Variants in GANC observed in about 807,000 individuals in gnomAD.
GANC encodes the protein glucosidase alpha, neutral C.
GANC carries 117 observed loss-of-function variants against 124.2 expected under a neutral mutation model. The ratio of observed to expected loss-of-function variants is 0.94; its 90% CI spans 0.81 to 1.10. The LOEUF is 1.10. GANC is among the 50% of genes least tolerant of loss of function. The probability of loss-of-function intolerance (pLI) is 0.00; values close to 1 mark genes in which losing one functional copy is unlikely to be tolerated. For synonymous variants in GANC, 377 were observed against 376.8 expected, an observed-to-expected ratio of 1.00 and a Z score of -0.01; for missense variants, 1,140 against 1,095.0, an observed-to-expected ratio of 1.04 and a Z score of -0.58.
At chr15:42,317,379 TGA>T (rs938931140) in intron 10 of GANC, among the ~76,000 whole-genome samples, 4 of 152,124 alleles carry the variant, frequency 2.6e-5, no homozygotes, top group South Asian at 2.1e-4. Context: ...AAGACAGAGA[TGA>T]GAGGGGGCTG....
intron 3 of GANC, chr15:42,281,057 A>G (rs2051727888): frequency 1.4e-6 from 1 of 702,604 alleles, no homozygotes; most frequent in Non-Finnish European, 2.6e-6. Flanking sequence ...AACAAGGACA[A>G]ATTACCTGGG....
At chr15:42,333,155 C>T (rs2141067537) in intron 15 of GANC, among the ~76,000 whole-genome samples, 1 of 151,580 alleles carries the variant, frequency 6.6e-6, no homozygotes, top group East Asian at 1.9e-4. Context: ...TGGTGAAACC[C>T]TGTCTCTACT....
intron 19 of GANC, 137 bp from the exon 20 acceptor site, chr15:42,345,621 C>A: frequency 1.7e-6 from 1 of 595,012 alleles, no homozygotes; most frequent in East Asian, 2.9e-5. Context: ...AACTTCTACC[C>A]AATATATTTT....
At position 42,352,065 on chromosome 15, in the gene GANC, G is replaced by A. The variant is rs2052447469; in HGVS notation, c.2671G>A (p.Ala891Thr). 1 of 1,613,950 alleles carries A rather than the reference G, an allele frequency of 6.2e-7. No homozygotes were observed. The highest frequency in any genetic ancestry group is 1.1e-5 in the South Asian group (1 of 91,088). ...TCAGCCTGTGGCTTTTACGTATTGT[G>A]CCAAAACATCCATCCTGAGCCTGGA... ...KDQPVAFTYC[A>T]KTSILSLEKL... is the part of the protein sequence containing the mutation. Residue 891 changes from alanine to threonine, a missense_variant, in exon 24 of 24, where the codon GCC (alanine) becomes ACC (threonine). Physicochemically the swap from Ala to Thr is moderately conservative, Grantham distance 58. Coordinates refer to ENST00000318010, the MANE Select transcript of GANC (RefSeq NM_198141.3).
chr15:42,297,559 A>G, intron 5 of GANC, 52 bp from the exon 6 acceptor site: 3 of 1,426,796 alleles, frequency 2.1e-6, no homozygotes, highest in Non-Finnish European at 2.9e-6. Flanking sequence ...CATTGAACAA[A>G]ATTCTGTCAG....
At chr15:42,349,333 C>A in intron 21 of GANC, 50 bp from the exon 22 acceptor site, 1 of 1,143,246 alleles carries the variant, frequency 8.7e-7, no homozygotes, top group Non-Finnish European at 1.3e-6. Context: ...CATTCTTTTC[C>A]TGTAAAGCTA....
In GANC at chr15:42,274,136, G is replaced by C; in HGVS notation, c.-346G>C. On this transcript the variant is annotated 5_prime_UTR_variant, in exon 1 of 24. Coordinates refer to ENST00000318010, the MANE Select transcript of GANC (RefSeq NM_198141.3). ...CAGGGAGGCCGTCTCGGCATTTCCA[G>C]GTTCTTAACGCTCTTGATTTTTACC... 1 of 261,184 alleles carries C rather than the reference G, an allele frequency of 3.8e-6. No homozygotes were observed. Among genetic ancestry groups the C allele is most frequent in the South Asian group, 4.0e-5 (1 of 25,020 alleles). The allele number at this position is 261,184 out of a possible 1,614,324, so 16.2% of individuals were successfully genotyped here.
intron 11 of GANC, among the ~76,000 whole-genome samples, chr15:42,323,847 T>A (rs1368415066): frequency 6.6e-6 from 1 of 151,904 alleles, no homozygotes; most frequent in East Asian, 1.9e-4. Context: ...CCCTAACTAA[T>A]GAGTAAGCAG....
intron 11 of GANC, among the ~76,000 whole-genome samples, chr15:42,325,204 C>T (rs972160125): frequency 5.3e-5 from 8 of 151,690 alleles, no homozygotes; most frequent in Non-Finnish European, 1.2e-4. Flanking sequence ...ACCCAGGAGG[C>T]GGAGGTTGCA....
Position 42,348,153 on chromosome 15 carries a change from A to G in GANC, c.2355A>G (p.Val785=), listed in dbSNP as rs2052383130. ...GTGTGATACCAATAAAGACAACTGT[A>G]GGAAAATCCACAGGCTGGATGACTG... ...GGSVIPIKTT[V]GKSTGWMTES... The change falls in exon 21 of 24, where the codon GTA becomes GTG. Residue 785 remains valine (V), a synonymous_variant. Coordinates refer to ENST00000318010, the MANE Select transcript of GANC (RefSeq NM_198141.3). 5 of 1,613,152 alleles carry G rather than the reference A, an allele frequency of 3.1e-6. No homozygotes were observed. The highest frequency in any genetic ancestry group is 4.2e-6 in the Non-Finnish European group (5 of 1,179,630).
chr15:42,336,655 C>T (rs1015763294), intron 15 of GANC, among the ~76,000 whole-genome samples: 2 of 152,180 alleles, frequency 1.3e-5, no homozygotes, highest in Non-Finnish European at 2.9e-5. Context: ...AACTAAACAG[C>T]TTCTGCACAG....
chr15:42,295,661 C>G, intron 5 of GANC, among the ~76,000 whole-genome samples: 1 of 151,228 alleles, frequency 6.6e-6, no homozygotes, highest in East Asian at 1.9e-4. Context: ...CACACACACA[C>G]ACACACACAC....
chr15:42,330,697 TAA>T, intron 15 of GANC, 25 bp downstream of exon 15: 1 of 1,517,034 alleles, frequency 6.6e-7, no homozygotes, highest in East Asian at 2.3e-5. Flanking sequence ...ATATCAGACT[TAA>T]AAACACATTA....
At chr15:42,350,506 C>G (rs1195865969) in intron 22 of GANC, among the ~76,000 whole-genome samples, 1 of 150,882 alleles carries the variant, frequency 6.6e-6, no homozygotes, top group East Asian at 1.9e-4. Flanking sequence ...TTAAAAAGAG[C>G]CTGATTTGGC....
chr15:42,286,118 C>T (rs1162811411), intron 3 of GANC, among the ~76,000 whole-genome samples: 1 of 152,046 alleles, frequency 6.6e-6, no homozygotes, highest in Non-Finnish European at 1.5e-5. Flanking sequence ...CCTATATGCC[C>T]CCTGCTTAGG....
At chr15:42,282,454 T>C (rs1265161166) in intron 3 of GANC, among the ~76,000 whole-genome samples, 1 of 152,166 alleles carries the variant, frequency 6.6e-6, no homozygotes, top group Non-Finnish European at 1.5e-5. Context: ...GCTGCATACA[T>C]CCACTTATTC....
rs374621298 is a variant in GANC at position 42,308,201 on chromosome 15, T to G, written c.626-21T>G. On this transcript the variant is annotated intron_variant, in intron 7 of 23. Transcript: ENST00000318010. Reference sequence around the variant, plus strand: ...TGAGTGTTCTTTTCAGAAACAAAACTCAGTATCCTGGTCTCTACAGGCCCT... The same window carrying G: ...TGAGTGTTCTTTTCAGAAACAAAACGCAGTATCCTGGTCTCTACAGGCCCT... The G allele has an allele frequency of 3.3e-5, 49 of 1,491,380 alleles. No homozygotes were observed. In the African/African-American group the frequency reaches 6.1e-4, roughly 19 times the overall value. 92.4% of individuals were successfully genotyped at this position (1,491,380 alleles called of 1,614,324 possible). A position where few individuals can be genotyped will look rare whatever the true frequency, so the allele number is the denominator to read the frequency against.
intron 21 of GANC, 86 bp from the exon 22 acceptor site, chr15:42,349,297 C>A: frequency 1.2e-6 from 1 of 831,868 alleles, no homozygotes; most frequent in Non-Finnish European, 2.0e-6. Flanking sequence ...AAACTTTTTA[C>A]TCTGTTGTTA....
chr15:42,279,964 A>G (rs2051715566), intron 3 of GANC, among the ~76,000 whole-genome samples: 3 of 152,318 alleles, frequency 2.0e-5, no homozygotes, highest in Non-Finnish European at 4.4e-5. Flanking sequence ...AGAAAGAACA[A>G]TTGTACAGTA....
Sources: gnomAD v4.1 joint callset for allele counts (sites outside exome capture counted in the v4.1 genomes callset) on GRCh38, gnomAD v4.1.1 for gene constraint, MANE v1.5 for transcripts, NCBI Gene and HGNC (gene_info 2026-07-23, HGNC 2026-07-21) for gene names.